RAB8B: variants seen among roughly 807,000 people sequenced by gnomAD.
RAB8B encodes the protein ras-related protein Rab-8B.
In RAB8B, 11 loss-of-function variants were observed where a neutral mutation model predicts 32.0. That is an observed-to-expected ratio of 0.34 (90% CI 0.22 to 0.57). The LOEUF is 0.57. Ranked by LOEUF, RAB8B falls within the 20% of genes least tolerant of loss-of-function variation. The pLI, the probability that RAB8B is intolerant of heterozygous loss-of-function variation, is 0.86. For synonymous variants in RAB8B, 103 were observed against 89.6 expected, an observed-to-expected ratio of 1.15 and a Z score of -0.85; for missense variants, 190 against 258.5, an observed-to-expected ratio of 0.73 and a Z score of 1.82.
At chr15:63,196,902 C>G (rs940625982) in intron 1 of RAB8B, among the ~76,000 whole-genome samples, 1 of 152,170 alleles carries the variant, frequency 6.6e-6, no homozygotes, top group Non-Finnish European at 1.5e-5. Context: ...TCCAACCCCC[C>G]ACTAACATAA....
intron 1 of RAB8B, chr15:63,223,074 G>C (rs1468981447): frequency 2.2e-6 from 1 of 455,650 alleles, no homozygotes; most frequent in East Asian, 7.0e-5. Flanking sequence ...GCCTTTCATG[G>C]TAAGTACCCT....
At chr15:63,231,574 C>T (rs886785005) in intron 1 of RAB8B, among the ~76,000 whole-genome samples, 19 of 151,082 alleles carry the variant, frequency 1.3e-4, no homozygotes, top group African/African-American at 4.4e-4. Context: ...AGATCTGACT[C>T]AGTTGTCAGA....
At chr15:63,191,050 G>A (rs1290984149) in intron 1 of RAB8B, among the ~76,000 whole-genome samples, 2 of 152,220 alleles carry the variant, frequency 1.3e-5, no homozygotes, top group Admixed American at 1.3e-4. Flanking sequence ...TGTTTTAGAA[G>A]TGACCACCTT....
chr15:63,250,084 C>T (rs1287465156), intron 3 of RAB8B, among the ~76,000 whole-genome samples: 2 of 152,048 alleles, frequency 1.3e-5, no homozygotes, highest in South Asian at 2.1e-4. Flanking sequence ...TGCAGTGAGC[C>T]GAGATTGCGC....
intron 1 of RAB8B, among the ~76,000 whole-genome samples, chr15:63,244,453 T>C (rs920749543): frequency 1.3e-5 from 2 of 152,186 alleles, no homozygotes; most frequent in African/African-American, 2.4e-5. Flanking sequence ...CTTCAGGAAG[T>C]AGGAAATATG....
chr15:63,234,924 C>CAA (rs1197473501), intron 1 of RAB8B, among the ~76,000 whole-genome samples: 1 of 152,146 alleles, frequency 6.6e-6, no homozygotes, highest in Non-Finnish European at 1.5e-5. Context: ...TGGTCCAAGT[C>CAA]AAAACTCCTT....
chr15:63,202,440 T>A (rs553290266), intron 1 of RAB8B, among the ~76,000 whole-genome samples: 1 of 152,260 alleles, frequency 6.6e-6, no homozygotes, highest in South Asian at 2.1e-4. Context: ...TCAGTGGACT[T>A]GTGGTTTGGG....
chr15:63,220,844 G>T (rs1021296222), intron 1 of RAB8B, among the ~76,000 whole-genome samples: 53 of 152,000 alleles, frequency 3.5e-4, no homozygotes, highest in African/African-American at 1.2e-3. Flanking sequence ...TTTAAAAAGG[G>T]TTTATCTTTC....
intron 1 of RAB8B, among the ~76,000 whole-genome samples, chr15:63,208,219 C>G (rs1406402038): frequency 1.3e-5 from 2 of 152,206 alleles, no homozygotes; most frequent in Non-Finnish European, 2.9e-5. Flanking sequence ...ATCCTAAACT[C>G]TAACCCAGGG....
intron 4 of RAB8B, 23 bp from the exon 5 acceptor site, chr15:63,256,482 A>T (rs983124258): frequency 6.5e-7 from 1 of 1,547,016 alleles, no homozygotes; most frequent in African/African-American, 1.4e-5. Flanking sequence ...CTGTTTTTAT[A>T]GCATGCTATT....
At chr15:63,260,959 T>G (rs1473446521) in intron 6 of RAB8B, among the ~76,000 whole-genome samples, 1 of 152,192 alleles carries the variant, frequency 6.6e-6, no homozygotes, top group East Asian at 1.9e-4. Context: ...AACGTAACAG[T>G]TATTTGTTTA....
At chr15:63,236,138 T>C (rs552926335) in intron 1 of RAB8B, among the ~76,000 whole-genome samples, 1 of 152,320 alleles carries the variant, frequency 6.6e-6, no homozygotes, top group South Asian at 2.1e-4. Context: ...AAAGTACTTC[T>C]CAAGTCTATA....
intron 1 of RAB8B, among the ~76,000 whole-genome samples, chr15:63,199,053 C>T (rs1432445725): frequency 6.6e-6 from 1 of 152,148 alleles, no homozygotes; most frequent in Non-Finnish European, 1.5e-5. Flanking sequence ...AATCTTGATA[C>T]AGCATGGAAA....
chr15:63,233,055 C>CTTTTTTTTTTTTTTTTTTTTT (rs752891283), intron 1 of RAB8B, among the ~76,000 whole-genome samples: 3 of 141,516 alleles, frequency 2.1e-5, no homozygotes, highest in Non-Finnish European at 3.0e-5. Flanking sequence ...AAGTAGCATT[C>CTTTTTTTTTTTTTTTTTTTTT]TTTTTTTTTT....
intron 1 of RAB8B, among the ~76,000 whole-genome samples, chr15:63,206,179 T>C (rs949129599): frequency 2.0e-5 from 3 of 152,240 alleles, no homozygotes; most frequent in African/African-American, 7.2e-5. Context: ...TATGGTCTTT[T>C]TCTAGATGTG....
intron 1 of RAB8B, chr15:63,224,053 A>G (rs958304662): frequency 6.2e-5 from 11 of 178,056 alleles, no homozygotes; most frequent in Non-Finnish European, 1.2e-4. Context: ...GTTGTCTGTG[A>G]TGATCAAAAC....
At chr15:63,245,768 T>C (rs1436916559) in intron 2 of RAB8B, among the ~76,000 whole-genome samples, 2 of 152,248 alleles carry the variant, frequency 1.3e-5, no homozygotes, top group Non-Finnish European at 2.9e-5. Flanking sequence ...TGCATATACA[T>C]AATGAGATAT....
chr15:63,237,928 G>T (rs2037996334), intron 1 of RAB8B, among the ~76,000 whole-genome samples: 1 of 152,006 alleles, frequency 6.6e-6, no homozygotes, highest in African/African-American at 2.4e-5. Flanking sequence ...AGAGGTGGGG[G>T]TCTAGTTTCA....
At position 63,263,797 on chromosome 15, in the gene RAB8B, A is replaced by G. The variant is rs1595753218; in HGVS notation, c.*178A>G. On this transcript the variant is annotated 3_prime_UTR_variant, in exon 8 of 8. Coordinates refer to ENST00000321437, the MANE Select transcript of RAB8B (RefSeq NM_016530.3). ...CAGCCTCATGGCCTAGCAAAAGAAC[A>G]GACTCCCTTTTTCAAACATGGAAGC... is the stretch of plus-strand genomic sequence containing the variant. The G allele has an allele frequency of 2.0e-6, 1 of 506,964 alleles. No homozygotes were observed. The highest frequency in any genetic ancestry group is 3.0e-5 in the East Asian group (1 of 32,986). 31.4% of individuals were successfully genotyped at this position (506,964 alleles called of 1,614,324 possible).
Sources: gnomAD v4.1 joint callset for allele counts (sites outside exome capture counted in the v4.1 genomes callset) on GRCh38, gnomAD v4.1.1 for gene constraint, MANE v1.5 for transcripts, NCBI Gene and HGNC (gene_info 2026-07-23, HGNC 2026-07-21) for gene names.